Variants in KCNJ6 observed in about 807,000 individuals in gnomAD.
KCNJ6 encodes the protein G protein-activated inward rectifier potassium channel 2.
KCNJ6 carries 9 observed loss-of-function variants against 34.2 expected under a neutral mutation model. The ratio of observed to expected loss-of-function variants is 0.26; its 90% CI spans 0.16 to 0.46. The LOEUF (loss-of-function observed/expected upper bound fraction) is 0.46. Ranked by LOEUF, KCNJ6 falls within the 20% of genes least tolerant of loss-of-function variation. The pLI is 1.00. For missense variants in KCNJ6, 236 were observed against 531.3 expected, an observed-to-expected ratio of 0.44 and a Z score of 5.46; for synonymous variants, 196 against 207.1, an observed-to-expected ratio of 0.95 and a Z score of 0.46.
intron 1 of KCNJ6, among the ~76,000 whole-genome samples, chr21:37,898,810 A>G (rs2055802460): frequency 6.6e-6 from 1 of 152,182 alleles, no homozygotes; most frequent in African/African-American, 2.4e-5. Context: ...CTGAATTGTT[A>G]TAATATTTGT....
intron 2 of KCNJ6, among the ~76,000 whole-genome samples, chr21:37,775,554 C>A (rs1007728868): frequency 7.9e-4 from 121 of 152,330 alleles, no homozygotes; most frequent in African/African-American, 2.8e-3. Context: ...GATCTAGTTT[C>A]AGCTTTCTAC....
chr21:37,729,334 TG>T (rs57813800), intron 2 of KCNJ6, among the ~76,000 whole-genome samples: 7,027 of 132,166 alleles, frequency 0.053, 448 homozygotes, highest in African/African-American at 0.16. Context: ...TTCTTCTTTT[TG>T]GGGGGGGGGG....
At chr21:37,897,687 C>T (rs1042310080) in intron 1 of KCNJ6, among the ~76,000 whole-genome samples, 8 of 152,196 alleles carry the variant, frequency 5.3e-5, no homozygotes, top group African/African-American at 1.9e-4. Context: ...AGGGCTACCT[C>T]GGATTTCCTG....
chr21:37,884,409 A>C (rs918031378), intron 1 of KCNJ6, among the ~76,000 whole-genome samples: 1 of 152,120 alleles, frequency 6.6e-6, no homozygotes, highest in Non-Finnish European at 1.5e-5. Context: ...TTCTCTCTGC[A>C]TCTCAGCTTC....
intron 1 of KCNJ6, among the ~76,000 whole-genome samples, chr21:37,880,688 G>T (rs1222303271): frequency 2.0e-5 from 3 of 152,206 alleles, no homozygotes; most frequent in Non-Finnish European, 4.4e-5. Flanking sequence ...CCATAACAAA[G>T]GACTTCCTCA....
intron 3 of KCNJ6, among the ~76,000 whole-genome samples, chr21:37,664,984 G>A (rs1195381956): frequency 6.6e-6 from 1 of 151,834 alleles, no homozygotes; most frequent in Admixed American, 6.6e-5. Flanking sequence ...TTTTAGTAGA[G>A]ACGGGGTTTC....
rs1028507731 is a variant in KCNJ6, at chr21:37,743,276, G to A, written c.26-28145C>T. ...CAGGAGACATTGCCTGAATAAATGA[G>A]GTGCTGGGTGGATGCAATCATATGT... On this transcript the variant is annotated intron_variant, in intron 2 of 3. Transcript: ENST00000609713. 2.6e-5 allele frequency among the ~76,000 whole-genome samples: 4 copies of A among 152,168 alleles called. No homozygotes were observed. In the South Asian group the frequency reaches 8.3e-4, roughly 32 times the overall value.
intron 3 of KCNJ6, among the ~76,000 whole-genome samples, chr21:37,703,121 T>A (rs4817887): frequency 0.016 from 2,438 of 152,316 alleles, 46 homozygotes; most frequent in East Asian, 0.047. Flanking sequence ...GTTTTGTTTT[T>A]CTTTGTTTGT....
chr21:37,673,139 G>A (rs901993927), intron 3 of KCNJ6, among the ~76,000 whole-genome samples: 4 of 152,252 alleles, frequency 2.6e-5, no homozygotes, highest in African/African-American at 4.8e-5. Flanking sequence ...GAGAGGAGAC[G>A]GGGACAGGTA....
intron 2 of KCNJ6, among the ~76,000 whole-genome samples, chr21:37,770,964 GA>G (rs2055115143): frequency 6.6e-6 from 1 of 152,130 alleles, no homozygotes; most frequent in Non-Finnish European, 1.5e-5. Context: ...AATGTCAAAG[GA>G]TAAGCAGAAC....
chr21:37,909,854 AAAGAT>A (rs1475369919), intron 1 of KCNJ6, among the ~76,000 whole-genome samples: 1 of 152,214 alleles, frequency 6.6e-6, no homozygotes, highest in East Asian at 1.9e-4. Context: ...TCCCTCTCTG[AAAGAT>A]TAGATGTCTC....
chr21:37,776,946 T>C (rs2055145539), intron 2 of KCNJ6, among the ~76,000 whole-genome samples: 1 of 152,240 alleles, frequency 6.6e-6, no homozygotes. Context: ...CTCGTACCTC[T>C]GGTAGAATTT....
At chr21:37,737,744 T>A (rs1001694425) in intron 2 of KCNJ6, among the ~76,000 whole-genome samples, 4 of 152,310 alleles carry the variant, frequency 2.6e-5, no homozygotes, top group Middle Eastern at 6.8e-3. Flanking sequence ...TGTACTCTGG[T>A]TTGGGACAGT....
chr21:37,701,554 C>G (rs573411219), intron 3 of KCNJ6, among the ~76,000 whole-genome samples: 22 of 152,330 alleles, frequency 1.4e-4, no homozygotes, highest in Non-Finnish European at 3.1e-4. Flanking sequence ...GGTCCAGGAA[C>G]TGCTCTGGGT....
chr21:37,730,858 G>A (rs1359304854), intron 2 of KCNJ6, among the ~76,000 whole-genome samples: 1 of 152,178 alleles, frequency 6.6e-6, no homozygotes, highest in Non-Finnish European at 1.5e-5. Context: ...TGTGTGAAAG[G>A]GAAAAAGCCA....
chr21:37,875,474 G>A (rs923960931), intron 1 of KCNJ6, among the ~76,000 whole-genome samples: 13 of 152,244 alleles, frequency 8.5e-5, no homozygotes, highest in Middle Eastern at 3.4e-3. Context: ...AGCAGCCAGG[G>A]CGCTAATCTT....
intron 3 of KCNJ6, among the ~76,000 whole-genome samples, chr21:37,712,167 A>G (rs1373063845): frequency 6.6e-6 from 1 of 152,120 alleles, no homozygotes. Flanking sequence ...CCACAATTTA[A>G]AGCTCAGACT....
chr21:37,846,404 T>A (rs964888134), intron 1 of KCNJ6, among the ~76,000 whole-genome samples: 2 of 112,898 alleles, frequency 1.8e-5, no homozygotes, highest in Admixed American at 9.1e-5. Context: ...TGTGTGTGTG[T>A]GAGGGAGAGA....
intron 2 of KCNJ6, among the ~76,000 whole-genome samples, chr21:37,759,835 G>C (rs772498909): frequency 1.3e-5 from 2 of 152,168 alleles, no homozygotes. Context: ...TAGTGATCCC[G>C]TTCTGCAGAT....
Sources: gnomAD v4.1 joint callset for allele counts (sites outside exome capture counted in the v4.1 genomes callset) on GRCh38, gnomAD v4.1.1 for gene constraint, MANE v1.5 for transcripts, NCBI Gene and HGNC (gene_info 2026-07-23, HGNC 2026-07-21) for gene names.